Variants in NRXN1 observed in about 807,000 individuals in gnomAD.
NRXN1 encodes neurexin 1.
A neutral mutation model predicts 150.9 loss-of-function variants in NRXN1; 39 were observed. The ratio of observed to expected loss-of-function variants is 0.26; its 90% CI spans 0.20 to 0.34. The LOEUF (loss-of-function observed/expected upper bound fraction) is 0.34, where lower values mean the gene tolerates loss of function less well. Among genes scored for constraint, NRXN1 ranks in the 10% least tolerant of loss-of-function variants. The pLI, the probability that NRXN1 is intolerant of heterozygous loss-of-function variation, is 1.00. For missense variants in NRXN1, 1,815 were observed against 1,949.9 expected (o/e 0.93, Z 1.30); for synonymous variants, 924 against 757.0 (o/e 1.22, Z -3.62).
At chr2:50,855,227 GA>G (rs1326715959) in intron 5 of NRXN1, among the ~76,000 whole-genome samples, 1 of 151,696 alleles carries the variant, frequency 6.6e-6, no homozygotes, top group African/African-American at 2.4e-5. Context: ...ACTTCATAAA[GA>G]AAACTCACTT....
rs6146761 is a variant in NRXN1 at position 50,373,294 on chromosome 2, TTTA to T, written c.3364+92145_3364+92147del. Among the ~76,000 whole-genome samples, 176 of 140,388 alleles carry T rather than the reference TTTA, an allele frequency of 1.3e-3. 1 individual carries two copies. In the South Asian group the frequency reaches 0.015, roughly 12 times the overall value. The allele number at this position is 140,388 out of a possible 152,430, so 92.1% of individuals were successfully genotyped here. A position where few individuals can be genotyped will look rare whatever the true frequency, so the allele number is the denominator to read the frequency against. ...ATATCAGATTTATTTTATTTTATTT[TTTA>T]TTATTATTATTATTATTATTATTAT... On this transcript the variant is annotated intron_variant, in intron 17 of 22. Coordinates refer to ENST00000401669, the MANE Select transcript of NRXN1 (RefSeq NM_001330078.2).
intron 21 of NRXN1, among the ~76,000 whole-genome samples, chr2:50,004,852 AG>A (rs1684506441): frequency 6.6e-6 from 1 of 152,040 alleles, no homozygotes; most frequent in South Asian, 2.1e-4. Context: ...AAAATAACTT[AG>A]ACTTTTTCAG....
Position 50,015,516 on chromosome 2 carries a change from C to CAA in NRXN1, c.4128+37753_4128+37754dup, listed in dbSNP as rs34466037. Reference sequence around the variant, plus strand: ...TAGAAAAATAAACAGGGATTTCTGCCAAAAAAAAAAAAAAAAAAAAAAAAA... The same window carrying CAA: ...TAGAAAAATAAACAGGGATTTCTGCCAAAAAAAAAAAAAAAAAAAAAAAAAAA... On this transcript the variant is annotated intron_variant, in intron 21 of 22. Transcript: ENST00000401669. 1.7e-3 allele frequency among the ~76,000 whole-genome samples: 52 copies of CAA among 31,316 alleles called. 2 individuals are homozygous for CAA. The highest frequency in any genetic ancestry group is 3.1e-3 in the African/African-American group (27 of 8,704). 20.5% of individuals were successfully genotyped at this position (31,316 alleles called of 152,430 possible). A position where few individuals can be genotyped will look rare whatever the true frequency, so the allele number is the denominator to read the frequency against.
intron 17 of NRXN1, among the ~76,000 whole-genome samples, chr2:50,443,706 T>C (rs1482111948): frequency 1.3e-5 from 2 of 152,134 alleles, no homozygotes; most frequent in Non-Finnish European, 2.9e-5. Context: ...CACTGTTTGG[T>C]TCATTACAGA....
At chr2:50,793,449 C>T (rs771089921) in intron 5 of NRXN1, among the ~76,000 whole-genome samples, 4 of 151,980 alleles carry the variant, frequency 2.6e-5, no homozygotes, top group South Asian at 4.1e-4. Context: ...TTTGGTGTAA[C>T]GTTCCGCTTA....
chr2:50,819,149 T>C (rs1447965774), intron 5 of NRXN1, among the ~76,000 whole-genome samples: 1 of 152,094 alleles, frequency 6.6e-6, no homozygotes, highest in Non-Finnish European at 1.5e-5. Flanking sequence ...AGAACTACCA[T>C]ATGATTCAGT....
intron 17 of NRXN1, among the ~76,000 whole-genome samples, chr2:50,269,316 C>T (rs1022789260): frequency 6.6e-6 from 1 of 152,148 alleles, no homozygotes; most frequent in Non-Finnish European, 1.5e-5. Context: ...CTTCCCTTTG[C>T]TGTATTGTTT....
intron 21 of NRXN1, among the ~76,000 whole-genome samples, chr2:49,971,439 A>C (rs1470282116): frequency 6.6e-6 from 1 of 152,146 alleles, no homozygotes; most frequent in Non-Finnish European, 1.5e-5. Context: ...TTGAGCCCAA[A>C]TGTTATTGTA....
At chr2:50,401,714 G>C (rs1406072159) in intron 17 of NRXN1, among the ~76,000 whole-genome samples, 2 of 152,156 alleles carry the variant, frequency 1.3e-5, no homozygotes, top group Non-Finnish European at 2.9e-5. Flanking sequence ...GGGTAGGCAA[G>C]TTGCCACAAG....
intron 5 of NRXN1, among the ~76,000 whole-genome samples, chr2:50,829,956 A>T (rs544194602): frequency 2.9e-4 from 41 of 141,662 alleles, no homozygotes; most frequent in Non-Finnish European, 5.6e-4. Context: ...TCTACTTGCT[A>T]TCAGGAGAAA....
At chr2:50,455,431 G>A (rs1407108376) in intron 17 of NRXN1, among the ~76,000 whole-genome samples, 1 of 152,094 alleles carries the variant, frequency 6.6e-6, no homozygotes, top group Non-Finnish European at 1.5e-5. Context: ...ATCAATTTTA[G>A]TTTAATGAGA....
chr2:49,955,611 GT>G (rs34383466), intron 21 of NRXN1, among the ~76,000 whole-genome samples: 61,286 of 149,336 alleles, frequency 0.41, 12,762 homozygotes, highest in South Asian at 0.53. Context: ...ATCATTTTGG[GT>G]TTTTTTTTTA....
At chr2:50,779,931 AG>A (rs1219480148) in intron 5 of NRXN1, among the ~76,000 whole-genome samples, 13 of 152,168 alleles carry the variant, frequency 8.5e-5, no homozygotes. Context: ...TAGATCCCTG[AG>A]GAACCACCAC....
At chr2:50,750,593 A>C (rs954089489) in intron 5 of NRXN1, among the ~76,000 whole-genome samples, 1 of 152,016 alleles carries the variant, frequency 6.6e-6, no homozygotes, top group Admixed American at 6.6e-5. Context: ...AAGTATAATA[A>C]TAATAAAAAA....
chr2:50,912,798 G>T (rs74988393), intron 5 of NRXN1: 1 of 133,722 alleles, frequency 7.5e-6, no homozygotes, highest in Non-Finnish European at 1.6e-5. Flanking sequence ...AAAAAAAAAA[G>T]AAATAAACTG....
Position 50,777,988 on chromosome 2 carries a change from G to A in NRXN1, c.832+143881C>T, listed in dbSNP as rs372237178. Among the ~76,000 whole-genome samples, 78 of 152,208 alleles carry A rather than the reference G, an allele frequency of 5.1e-4. 1 individual carries two copies. In the South Asian group the frequency reaches 0.012, roughly 23 times the overall value. Reference sequence around the variant, plus strand: ...ATTTCTCCTGATAATCATGCAGCAGGTCTCTGAACAAGACCTGTGTACTGT... The same window carrying A: ...ATTTCTCCTGATAATCATGCAGCAGATCTCTGAACAAGACCTGTGTACTGT... On this transcript the variant is annotated intron_variant, in intron 5 of 22. Coordinates refer to ENST00000401669, the MANE Select transcript of NRXN1 (RefSeq NM_001330078.2).
intron 2 of NRXN1, among the ~76,000 whole-genome samples, chr2:51,015,222 T>C (rs930904028): frequency 6.6e-6 from 1 of 152,046 alleles, no homozygotes; most frequent in Non-Finnish European, 1.5e-5. Context: ...ACTCTTTTTC[T>C]CTCCCATCAT....
chr2:50,180,075 G>A (rs968269), intron 18 of NRXN1, among the ~76,000 whole-genome samples: 1 of 152,074 alleles, frequency 6.6e-6, no homozygotes, highest in Non-Finnish European at 1.5e-5. Flanking sequence ...TGGCTGGAGT[G>A]CAGTGGTTCA....
chr2:50,141,677 T>C (rs1707295057), intron 18 of NRXN1, among the ~76,000 whole-genome samples: 1 of 151,970 alleles, frequency 6.6e-6, no homozygotes, highest in Non-Finnish European at 1.5e-5. Context: ...AAAGAAGACA[T>C]ACAAACAGCC....
Sources: allele counts gnomAD v4.1 joint callset (sites outside exome capture counted in the v4.1 genomes callset), GRCh38; gene constraint gnomAD v4.1.1; transcripts MANE v1.5; gene names NCBI Gene and HGNC (gene_info 2026-07-23, HGNC 2026-07-21).